Variants in ARHGAP26 observed in about 807,000 individuals in gnomAD.
ARHGAP26 encodes the protein Rho GTPase activating protein 26.
A neutral mutation model predicts 104.8 loss-of-function variants in ARHGAP26; 38 were observed. The observed-to-expected ratio is 0.36, with a 90% CI of 0.28 to 0.48. The LOEUF is 0.48. Among genes scored for constraint, ARHGAP26 ranks in the 20% least tolerant of loss-of-function variants. The pLI, the probability that ARHGAP26 is intolerant of heterozygous loss-of-function variation, is 0.99. For synonymous variants in ARHGAP26, 341 were observed against 340.0 expected (o/e 1.00, Z -0.03); for missense variants, 704 against 947.9 (o/e 0.74, Z 3.38).
At chr5:143,215,720 A>G (rs1482858522) in intron 22 of ARHGAP26, among the ~76,000 whole-genome samples, 2 of 152,218 alleles carry the variant, frequency 1.3e-5, no homozygotes, top group African/African-American at 4.8e-5. Flanking sequence ...ATGGAATTAT[A>G]TAGTATGTGA....
chr5:143,121,403 G>T (rs74964274), intron 18 of ARHGAP26, among the ~76,000 whole-genome samples: 4,707 of 152,242 alleles, frequency 0.031, 269 homozygotes, highest in African/African-American at 0.11. Context: ...TGAGCATTAT[G>T]TGCCAGGAAC....
intron 11 of ARHGAP26, among the ~76,000 whole-genome samples, chr5:142,942,768 G>A (rs1009039173): frequency 6.6e-6 from 1 of 152,092 alleles, no homozygotes; most frequent in African/African-American, 2.4e-5. Flanking sequence ...GATTGTGATT[G>A]TGGTGGGTTT....
chr5:142,773,642 T>C (rs1198191703), intron 1 of ARHGAP26, among the ~76,000 whole-genome samples: 1 of 152,220 alleles, frequency 6.6e-6, no homozygotes, highest in Admixed American at 6.5e-5. Flanking sequence ...AGCTAAGATT[T>C]TGTATTATCC....
chr5:142,881,878 C>T (rs1219775460), intron 4 of ARHGAP26, among the ~76,000 whole-genome samples: 1 of 152,172 alleles, frequency 6.6e-6, no homozygotes, highest in Non-Finnish European at 1.5e-5. Context: ...CCTCCACTCT[C>T]TGGTGCTGCT....
chr5:142,867,552 G>A (rs998827971), intron 1 of ARHGAP26, among the ~76,000 whole-genome samples: 3 of 152,186 alleles, frequency 2.0e-5, no homozygotes, highest in African/African-American at 7.2e-5. Flanking sequence ...AGAAAAGAGC[G>A]ATCTCTGGGG....
At chr5:142,893,700 T>C (rs1759049131) in intron 5 of ARHGAP26, among the ~76,000 whole-genome samples, 1 of 152,230 alleles carries the variant, frequency 6.6e-6, no homozygotes, top group Non-Finnish European at 1.5e-5. Flanking sequence ...GTTGTACTAA[T>C]TTACATTCCC....
intron 14 of ARHGAP26, among the ~76,000 whole-genome samples, chr5:143,043,716 G>A (rs1783808605): frequency 6.6e-6 from 1 of 152,172 alleles, no homozygotes; most frequent in Admixed American, 6.5e-5. Context: ...TAGAACAGAT[G>A]TCAGGTGCTA....
intron 10 of ARHGAP26, among the ~76,000 whole-genome samples, chr5:142,930,871 A>G (rs1042481103): frequency 1.3e-5 from 2 of 152,228 alleles, no homozygotes; most frequent in Admixed American, 6.5e-5. Context: ...AACTATAGCT[A>G]TAAGCCAGAA....
At chr5:143,192,485 G>C (rs944349432) in intron 20 of ARHGAP26, 1 of 152,250 alleles carries the variant, frequency 6.6e-6, no homozygotes, top group African/African-American at 2.4e-5. Flanking sequence ...AGAAAAGAGT[G>C]TTTTTCCATT....
chr5:143,052,384 C>A (rs1039054279), intron 14 of ARHGAP26, among the ~76,000 whole-genome samples: 1 of 151,788 alleles, frequency 6.6e-6, no homozygotes, highest in Non-Finnish European at 1.5e-5. Context: ...GCAGGAGAAT[C>A]GCTTGAACCC....
intron 17 of ARHGAP26, among the ~76,000 whole-genome samples, chr5:143,068,699 C>T (rs925501555): frequency 3.3e-5 from 5 of 152,218 alleles, no homozygotes; most frequent in Non-Finnish European, 7.3e-5. Context: ...CTTTCTCAAT[C>T]CCATATCCCC....
chr5:142,936,377 TA>T (rs1396484463), intron 11 of ARHGAP26, among the ~76,000 whole-genome samples: 1 of 152,036 alleles, frequency 6.6e-6, no homozygotes, highest in Non-Finnish European at 1.5e-5. Flanking sequence ...TGAAAGAAAC[TA>T]AAGAGGATCT....
intron 8 of ARHGAP26, among the ~76,000 whole-genome samples, chr5:142,903,918 T>C (rs111303163): frequency 6.6e-6 from 1 of 152,152 alleles, no homozygotes; most frequent in Non-Finnish European, 1.5e-5. Context: ...CTTCTCTCTC[T>C]AATGTTACTC....
At chr5:143,097,802 A>T (rs1308573712) in intron 17 of ARHGAP26, among the ~76,000 whole-genome samples, 1 of 141,742 alleles carries the variant, frequency 7.1e-6, no homozygotes, top group Non-Finnish European at 1.5e-5. Context: ...AGCCTGGGTG[A>T]CAGAACGAGA....
At chr5:143,085,501 G>T (rs1165929936) in intron 17 of ARHGAP26, among the ~76,000 whole-genome samples, 2 of 152,142 alleles carry the variant, frequency 1.3e-5, no homozygotes, top group Non-Finnish European at 2.9e-5. Context: ...AAAAGGTCAA[G>T]GTACAGATTA....
rs1012939271 is a variant in ARHGAP26 at position 142,879,438 on chromosome 5, C to A, written c.377C>A (p.Ala126Asp). ...AAGTTTCGAAAGGAACAGATCGGGG[C>A]TGCCAAGGTGAGAATTTTGCAAGCT... ...LEKFRKEQIG[A>D]AKEAKKKYDK... is the part of the protein sequence containing the mutation. The change falls in exon 4 of 23, where the codon GCT becomes GAT. Residue 126 changes from alanine (A) to aspartate (D), a missense_variant. Transcript: ENST00000645722. The A allele has an allele frequency of 6.2e-7, 1 of 1,611,798 alleles. No homozygotes were observed. Among genetic ancestry groups the A allele is most frequent in the Non-Finnish European group, 8.5e-7 (1 of 1,179,096 alleles).
At chr5:143,007,399 A>G (rs991165901) in intron 11 of ARHGAP26, among the ~76,000 whole-genome samples, 3 of 152,162 alleles carry the variant, frequency 2.0e-5, no homozygotes, top group African/African-American at 7.2e-5. Flanking sequence ...AATTACTGCC[A>G]CACTTGTATT....
intron 12 of ARHGAP26, among the ~76,000 whole-genome samples, chr5:143,036,049 C>T (rs1199923729): frequency 6.6e-6 from 1 of 151,808 alleles, no homozygotes; most frequent in Non-Finnish European, 1.5e-5. Context: ...TAAGTTTACC[C>T]ATATACGCTA....
At chr5:143,132,015 G>GT (rs1312380976) in intron 18 of ARHGAP26, among the ~76,000 whole-genome samples, 1 of 152,132 alleles carries the variant, frequency 6.6e-6, no homozygotes, top group Non-Finnish European at 1.5e-5. Flanking sequence ...GAAGTTAGGA[G>GT]TTTTTTCTTG....
Sources: gnomAD v4.1 joint callset for allele counts (sites outside exome capture counted in the v4.1 genomes callset) on GRCh38, gnomAD v4.1.1 for gene constraint, MANE v1.5 for transcripts, NCBI Gene and HGNC (gene_info 2026-07-23, HGNC 2026-07-21) for gene names.